Variants in CSMD1 observed in about 807,000 individuals in gnomAD.
CSMD1 encodes CUB and sushi domain-containing protein 1.
Under a neutral mutation model 417.5 loss-of-function variants are expected in CSMD1, and 213 were observed. The ratio of observed to expected loss-of-function variants is 0.51; its 90% CI spans 0.46 to 0.57. CSMD1 has a LOEUF of 0.57. CSMD1 is among the 20% of genes least tolerant of loss of function. CSMD1 has a pLI of 0.00. For synonymous variants in CSMD1, 2,862 were observed against 1,736.8 expected, an observed-to-expected ratio of 1.65 and a Z score of -16.11; for missense variants, 6,923 against 4,529.7, an observed-to-expected ratio of 1.53 and a Z score of -15.17.
At chr8:4,243,950 C>G (rs1208722110) in intron 3 of CSMD1, among the ~76,000 whole-genome samples, 1 of 152,152 alleles carries the variant, frequency 6.6e-6, no homozygotes, top group African/African-American at 2.4e-5. Flanking sequence ...CAACTACAAT[C>G]ATCAGTAGCA....
chr8:4,017,075 C>A (rs1796558138), intron 4 of CSMD1, among the ~76,000 whole-genome samples: 1 of 152,208 alleles, frequency 6.6e-6, no homozygotes. Flanking sequence ...GGCAAGACTT[C>A]AGAATGTACT....
intron 23 of CSMD1, among the ~76,000 whole-genome samples, chr8:3,318,138 T>C (rs1332025162): frequency 1.3e-5 from 2 of 152,250 alleles, no homozygotes; most frequent in African/African-American, 2.4e-5. Flanking sequence ...ATTTCTTTCC[T>C]GATGATGAAG....
At chr8:2,994,250 T>C (rs1948981262) in intron 54 of CSMD1, among the ~76,000 whole-genome samples, 1 of 151,196 alleles carries the variant, frequency 6.6e-6, no homozygotes, top group Non-Finnish European at 1.5e-5. Context: ...GTAGCCTAAG[T>C]AGTTGACCTC....
intron 23 of CSMD1, among the ~76,000 whole-genome samples, chr8:3,329,330 C>T (rs1371019619): frequency 2.0e-5 from 3 of 152,104 alleles, no homozygotes; most frequent in East Asian, 3.9e-4. Flanking sequence ...CAGGCTTCAT[C>T]ATGACCCATT....
intron 3 of CSMD1, among the ~76,000 whole-genome samples, chr8:4,131,201 A>G (rs1803081108): frequency 6.6e-6 from 1 of 152,186 alleles, no homozygotes; most frequent in South Asian, 2.1e-4. Context: ...ATAGTTAAAT[A>G]GAGACGCCAT....
intron 1 of CSMD1, among the ~76,000 whole-genome samples, chr8:4,901,347 T>C (rs1804857830): frequency 6.6e-6 from 1 of 152,228 alleles, no homozygotes; most frequent in South Asian, 2.1e-4. Flanking sequence ...ATAATGGTAT[T>C]AGAAGTGTAG....
At chr8:4,970,243 G>C (rs1165608450) in intron 1 of CSMD1, among the ~76,000 whole-genome samples, 2 of 152,114 alleles carry the variant, frequency 1.3e-5, no homozygotes, top group Non-Finnish European at 2.9e-5. Context: ...TTTGGGAGCT[G>C]AGTAAGTTGT....
intron 5 of CSMD1, among the ~76,000 whole-genome samples, chr8:3,926,082 TACAC>T (rs58966907): frequency 0.13 from 13,623 of 102,678 alleles, 1,174 homozygotes; most frequent in South Asian, 0.24. Flanking sequence ...ACAAACACCA[TACAC>T]ACACACACAC....
intron 2 of CSMD1, among the ~76,000 whole-genome samples, chr8:4,578,737 C>G (rs1799263943): frequency 6.8e-6 from 1 of 146,806 alleles, no homozygotes; most frequent in African/African-American, 2.6e-5. Flanking sequence ...TTGCTTGAAC[C>G]TGGGAGGGGG....
At chr8:3,158,886 TG>T (rs1486289765) in intron 38 of CSMD1, among the ~76,000 whole-genome samples, 1 of 152,180 alleles carries the variant, frequency 6.6e-6, no homozygotes, top group Non-Finnish European at 1.5e-5. Flanking sequence ...CCAGCCACAC[TG>T]GGAACGCATC....
At chr8:3,900,365 A>C (rs572292261) in intron 5 of CSMD1, among the ~76,000 whole-genome samples, 3 of 151,946 alleles carry the variant, frequency 2.0e-5, no homozygotes, top group Admixed American at 6.5e-5. Context: ...TTGACAGCAC[A>C]GCTGTGTGAC....
chr8:4,683,194 T>C (rs1344386241), intron 1 of CSMD1, among the ~76,000 whole-genome samples: 1 of 151,994 alleles, frequency 6.6e-6, no homozygotes, highest in Non-Finnish European at 1.5e-5. Flanking sequence ...AAGGGTAATA[T>C]GTTCATGAAA....
intron 3 of CSMD1, among the ~76,000 whole-genome samples, chr8:4,324,261 G>C (rs138255727): frequency 6.6e-6 from 1 of 152,206 alleles, no homozygotes; most frequent in Non-Finnish European, 1.5e-5. Context: ...TGAGTTCTGA[G>C]ACCTTTTCCT....
chr8:4,690,628 T>A (rs1806707818), intron 1 of CSMD1, among the ~76,000 whole-genome samples: 1 of 152,240 alleles, frequency 6.6e-6, no homozygotes, highest in South Asian at 2.1e-4. Context: ...GTGAATACAG[T>A]TATTCACACA....
intron 8 of CSMD1, among the ~76,000 whole-genome samples, chr8:3,587,532 T>C (rs1800657589): frequency 6.6e-6 from 1 of 152,108 alleles, no homozygotes; most frequent in Non-Finnish European, 1.5e-5. Context: ...TTTCCTTTCT[T>C]GCTTAGTGGA....
At chr8:4,715,357 T>C (rs1808587632) in intron 1 of CSMD1, among the ~76,000 whole-genome samples, 1 of 152,188 alleles carries the variant, frequency 6.6e-6, no homozygotes, top group Admixed American at 6.5e-5. Context: ...CAATGCTTCA[T>C]CAAAGAGCAA....
At chr8:3,521,759 T>G (rs912481814) in intron 10 of CSMD1, among the ~76,000 whole-genome samples, 1 of 152,244 alleles carries the variant, frequency 6.6e-6, no homozygotes, top group African/African-American at 2.4e-5. Context: ...TCTCATTTAT[T>G]GTATTCCCAG....
intron 10 of CSMD1, among the ~76,000 whole-genome samples, chr8:3,502,291 G>C (rs1796635396): frequency 6.6e-6 from 1 of 150,576 alleles, no homozygotes; most frequent in African/African-American, 2.5e-5. Flanking sequence ...CGCGAACCCA[G>C]GAGGAGGAGC....
At chr8:3,633,173 A>G (rs1796867587) in intron 7 of CSMD1, among the ~76,000 whole-genome samples, 1 of 152,238 alleles carries the variant, frequency 6.6e-6, no homozygotes, top group South Asian at 2.1e-4. Context: ...AACATCATAT[A>G]TGATGAACAC....
Sources: allele counts gnomAD v4.1 joint callset (sites outside exome capture counted in the v4.1 genomes callset), GRCh38; gene constraint gnomAD v4.1.1; transcripts MANE v1.5; gene names NCBI Gene and HGNC (gene_info 2026-07-23, HGNC 2026-07-21).